Variants in CNOT4 observed in about 807,000 individuals in gnomAD.
CNOT4 encodes the protein CCR4-NOT transcription complex subunit 4.
A neutral mutation model predicts 73.8 loss-of-function variants in CNOT4; 8 were observed. The ratio of observed to expected loss-of-function variants is 0.11; its 90% CI spans 0.06 to 0.20. The LOEUF is 0.20. Ranked by LOEUF, CNOT4 falls within the 10% of genes least tolerant of loss-of-function variation. The pLI is 1.00. For synonymous variants in CNOT4, 293 were observed against 321.1 expected (o/e 0.91, Z 0.94); for missense variants, 564 against 883.4 (o/e 0.64, Z 4.58).
At chr7:135,395,969 A>C in intron 8 of CNOT4, 86 bp from the exon 9 acceptor site, 1 of 854,570 alleles carries the variant, frequency 1.2e-6, no homozygotes, top group Non-Finnish European at 1.8e-6. Flanking sequence ...TAAATGTATT[A>C]GAATAGTGTT....
intron 1 of CNOT4, among the ~76,000 whole-genome samples, chr7:135,468,790 A>G (rs1315392726): frequency 6.6e-6 from 1 of 152,116 alleles, no homozygotes; most frequent in East Asian, 1.9e-4. Flanking sequence ...ATTAGCATGT[A>G]GTTCACTATA....
chr7:135,376,913 ATTTAC>A (rs1293692671), intron 10 of CNOT4, among the ~76,000 whole-genome samples: 2 of 152,186 alleles, frequency 1.3e-5, no homozygotes, highest in Non-Finnish European at 2.9e-5. Context: ...CATTAAGAGT[ATTTAC>A]TTTCATTTCA....
At chr7:135,437,431 C>T (rs1308455488) in intron 2 of CNOT4, among the ~76,000 whole-genome samples, 15 of 151,992 alleles carry the variant, frequency 9.9e-5, no homozygotes, top group African/African-American at 3.4e-4. Flanking sequence ...CCTTGTGATC[C>T]GCCTGCCTCA....
chr7:135,477,616 A>G (rs1208908895), intron 1 of CNOT4, among the ~76,000 whole-genome samples: 4 of 152,232 alleles, frequency 2.6e-5, no homozygotes, highest in Non-Finnish European at 4.4e-5. Flanking sequence ...ATATTCTTCC[A>G]TCTTAATAGA....
intron 7 of CNOT4, among the ~76,000 whole-genome samples, chr7:135,404,723 T>C (rs1277707088): frequency 6.6e-6 from 1 of 152,172 alleles, no homozygotes; most frequent in East Asian, 1.9e-4. Flanking sequence ...ATAGCTGTAT[T>C]TTTATTTTAA....
chr7:135,477,841 T>C (rs934727397), intron 1 of CNOT4, among the ~76,000 whole-genome samples: 7 of 152,210 alleles, frequency 4.6e-5, no homozygotes, highest in African/African-American at 1.4e-4. Flanking sequence ...CAAATTTACA[T>C]ATTTATTTCA....
At chr7:135,415,827 A>G (rs1797843700) in intron 3 of CNOT4, among the ~76,000 whole-genome samples, 1 of 152,102 alleles carries the variant, frequency 6.6e-6, no homozygotes, top group Non-Finnish European at 1.5e-5. Flanking sequence ...TTCCTATGTC[A>G]ATCAGTTTTA....
At chr7:135,468,519 A>G (rs1801368676) in intron 1 of CNOT4, among the ~76,000 whole-genome samples, 1 of 151,920 alleles carries the variant, frequency 6.6e-6, no homozygotes, top group Admixed American at 6.6e-5. Context: ...TGTCTCTACT[A>G]AAAATACAAA....
At chr7:135,466,676 C>T (rs1333309225) in intron 1 of CNOT4, among the ~76,000 whole-genome samples, 3 of 152,140 alleles carry the variant, frequency 2.0e-5, no homozygotes, top group Non-Finnish European at 4.4e-5. Context: ...AACTTCCAGT[C>T]CTACAAGCTC....
intron 1 of CNOT4, among the ~76,000 whole-genome samples, chr7:135,500,750 T>A (rs925628675): frequency 6.6e-6 from 1 of 152,192 alleles, no homozygotes; most frequent in African/African-American, 2.4e-5. Context: ...ATTAAAGTCA[T>A]CCAGTAATAT....
chr7:135,417,014 G>C (rs1198501005), intron 3 of CNOT4, among the ~76,000 whole-genome samples: 1 of 152,116 alleles, frequency 6.6e-6, no homozygotes, highest in African/African-American at 2.4e-5. Flanking sequence ...ATTTTACTAA[G>C]AGTTATCTGA....
chr7:135,380,254 T>C (rs534976188), intron 10 of CNOT4, among the ~76,000 whole-genome samples: 1 of 152,350 alleles, frequency 6.6e-6, no homozygotes, highest in Non-Finnish European at 1.5e-5. Context: ...TTGGTGCCAT[T>C]ACTATAAGTT....
rs528950044 is a variant in CNOT4, at chr7:135,362,791, A to T, written c.*94T>A. On this transcript the variant is annotated 3_prime_UTR_variant, in exon 12 of 12. Coordinates refer to ENST00000541284, the MANE Select transcript of CNOT4 (RefSeq NM_001190850.2). ...GATCAGGTACTGGATTCTTCAGAAC[A>T]TAAGAGATGAGAAGGGAGCTGTGGG... 9.5e-6 allele frequency: 11 copies of T among 1,160,538 alleles called. No homozygotes were observed. The highest frequency in any genetic ancestry group is 1.4e-5 in the Non-Finnish European group (11 of 767,980). The allele number at this position is 1,160,538 out of a possible 1,614,324, so 71.9% of individuals were successfully genotyped here. A position where few individuals can be genotyped will look rare whatever the true frequency, so the allele number is the denominator to read the frequency against.
rs1213802309 is a variant in CNOT4 at position 135,509,903 on chromosome 7, T to A, written c.-107A>T. On this transcript the variant is annotated 5_prime_UTR_variant, in exon 1 of 12. Coordinates refer to ENST00000541284, the MANE Select transcript of CNOT4 (RefSeq NM_001190850.2). ...CATAGACTCACCCGCCTGCCTTGCC[T>A]CGCTTTTCCCTCAGCCGACTCCACG... 1 of 396,608 alleles carries A rather than the reference T, an allele frequency of 2.5e-6. No individual in the cohort carries two copies. The highest frequency in any genetic ancestry group is 4.4e-6 in the Non-Finnish European group (1 of 225,140). The allele number at this position is 396,608 out of a possible 1,614,324, so 24.6% of individuals were successfully genotyped here.
chr7:135,479,199 T>G (rs892048923), intron 1 of CNOT4, among the ~76,000 whole-genome samples: 3 of 55,054 alleles, frequency 5.4e-5, no homozygotes, highest in Non-Finnish European at 1.1e-4. Context: ...TAGAACCAAA[T>G]TTTTTTTTTT....
chr7:135,393,301 A>C (rs1203844741), intron 10 of CNOT4, among the ~76,000 whole-genome samples: 1 of 152,226 alleles, frequency 6.6e-6, no homozygotes, highest in Non-Finnish European at 1.5e-5. Flanking sequence ...CCCAGAAATA[A>C]AAACATGGCA....
intron 1 of CNOT4, among the ~76,000 whole-genome samples, chr7:135,488,112 A>G (rs1475644781): frequency 1.3e-5 from 2 of 152,166 alleles, no homozygotes; most frequent in Non-Finnish European, 1.5e-5. Flanking sequence ...TAAACTCTAC[A>G]TAAATCTTGT....
At chr7:135,497,516 A>G (rs1803668652) in intron 1 of CNOT4, among the ~76,000 whole-genome samples, 1 of 152,196 alleles carries the variant, frequency 6.6e-6, no homozygotes, top group Non-Finnish European at 1.5e-5. Context: ...TGCTTAAAAT[A>G]GATTAGTGAA....
rs138718661 is a variant in CNOT4, at chr7:135,431,086, G to A, written c.174+7072C>T. Reference sequence around the variant, plus strand: ...TCAAGACCAGCCTGGGCAACACAGCGAGACCTTTACAAAAAAATTTTTTAA... The same window carrying A: ...TCAAGACCAGCCTGGGCAACACAGCAAGACCTTTACAAAAAAATTTTTTAA... On this transcript the variant is annotated intron_variant, in intron 2 of 11. Coordinates refer to ENST00000541284, the MANE Select transcript of CNOT4 (RefSeq NM_001190850.2). Among the ~76,000 whole-genome samples, 333 of 152,166 alleles carry A rather than the reference G, an allele frequency of 2.2e-3. 7 individuals are homozygous for A. In the East Asian group the frequency reaches 0.041, roughly 19 times the overall value.
Sources: gnomAD v4.1 joint callset for allele counts (sites outside exome capture counted in the v4.1 genomes callset) on GRCh38, gnomAD v4.1.1 for gene constraint, MANE v1.5 for transcripts, NCBI Gene and HGNC (gene_info 2026-07-23, HGNC 2026-07-21) for gene names.